The following KSR2 variants were observed in gnomAD, a reference collection of about 807,000 sequenced individuals.
The protein encoded by KSR2 is kinase suppressor of ras 2.
In KSR2, 25 loss-of-function variants were observed where a neutral mutation model predicts 107.8. That is an observed-to-expected ratio of 0.23 (90% CI 0.17 to 0.32). The LOEUF (loss-of-function observed/expected upper bound fraction) is 0.32. Ranked by LOEUF, KSR2 falls within the 10% of genes least tolerant of loss-of-function variation. KSR2 has a pLI of 1.00. For synonymous variants in KSR2, 480 were observed against 507.0 expected, an observed-to-expected ratio of 0.95 and a Z score of 0.71; for missense variants, 887 against 1,268.9, an observed-to-expected ratio of 0.70 and a Z score of 4.57.
At chr12:117,913,476 GGTC>G (rs1895085692) in intron 1 of KSR2, among the ~76,000 whole-genome samples, 1 of 152,084 alleles carries the variant, frequency 6.6e-6, no homozygotes, top group Non-Finnish European at 1.5e-5. Flanking sequence ...TGAAAAATAG[GGTC>G]TTCTGTAGAT....
intron 19 of KSR2, among the ~76,000 whole-genome samples, chr12:117,468,213 T>C (rs1381360517): frequency 7.9e-5 from 12 of 152,184 alleles, no homozygotes; most frequent in Admixed American, 7.9e-4. Context: ...TGAGCTACAG[T>C]GAGTACCTGC....
At chr12:117,872,754 A>C (rs954667191) in intron 1 of KSR2, among the ~76,000 whole-genome samples, 51 of 152,196 alleles carry the variant, frequency 3.4e-4, no homozygotes, top group African/African-American at 1.2e-3. Flanking sequence ...GTCAAGCCGA[A>C]GGATCTGGGT....
chr12:117,730,335 T>C (rs1887611818), intron 4 of KSR2, among the ~76,000 whole-genome samples: 2 of 152,162 alleles, frequency 1.3e-5, no homozygotes, highest in Non-Finnish European at 2.9e-5. Context: ...ACTGATACTA[T>C]ATATAAGGCA....
intron 5 of KSR2, among the ~76,000 whole-genome samples, chr12:117,608,440 G>C (rs1881410810): frequency 6.6e-6 from 1 of 152,270 alleles, no homozygotes; most frequent in African/African-American, 2.4e-5. Context: ...TTAAAACAAG[G>C]AGATATCAGC....
At chr12:117,943,560 G>A (rs985740843) in intron 1 of KSR2, among the ~76,000 whole-genome samples, 2 of 135,384 alleles carry the variant, frequency 1.5e-5, no homozygotes, top group Admixed American at 1.5e-4. Context: ...AGAGCCACAA[G>A]TTGGAAACAA....
intron 1 of KSR2, among the ~76,000 whole-genome samples, chr12:117,927,758 CAA>C (rs1307648158): frequency 6.6e-6 from 1 of 152,110 alleles, no homozygotes; most frequent in African/African-American, 2.4e-5. Flanking sequence ...TATGTGAAAG[CAA>C]AGTCATCAAT....
At chr12:117,768,681 G>A (rs186779208) in intron 3 of KSR2, among the ~76,000 whole-genome samples, 99 of 152,292 alleles carry the variant, frequency 6.5e-4, no homozygotes, top group African/African-American at 2.3e-3. Context: ...GATAGTTATG[G>A]CAGTGGAGAT....
At position 117,561,889 on chromosome 12, in the gene KSR2, G is replaced by A. The variant is rs988566359; in HGVS notation, c.1326-3316C>T. Among the ~76,000 whole-genome samples, 7 of 152,194 alleles carry A rather than the reference G, an allele frequency of 4.6e-5. No individual in the cohort carries two copies. The South Asian group carries it at 1.0e-3, about 23-fold the overall frequency. On this transcript the variant is annotated intron_variant, in intron 7 of 19. Coordinates refer to ENST00000339824, the MANE Select transcript of KSR2 (RefSeq NM_173598.6). ...CAGAGCTCTGCTAAATGTGAAACGG[G>A]CCTTTCATTCATTCAACACTGAGTT...
At chr12:117,719,894 T>A (rs1253706946) in intron 4 of KSR2, among the ~76,000 whole-genome samples, 1 of 152,190 alleles carries the variant, frequency 6.6e-6, no homozygotes, top group Non-Finnish European at 1.5e-5. Context: ...GAGGTTAGTG[T>A]GTTGGGGGCG....
chr12:117,819,383 G>T (rs554271952), intron 3 of KSR2, among the ~76,000 whole-genome samples: 6 of 152,218 alleles, frequency 3.9e-5, no homozygotes, highest in African/African-American at 1.4e-4. Context: ...GGCGTCGTAG[G>T]TGCCTCAGGG....
chr12:117,848,847 G>GTGA (rs746597045), intron 3 of KSR2, among the ~76,000 whole-genome samples: 1 of 151,122 alleles, frequency 6.6e-6, no homozygotes, highest in South Asian at 2.1e-4. Flanking sequence ...GGTGGTGATG[G>GTGA]TGATGATGGT....
In KSR2 at chr12:117,628,306, T is replaced by C. The variant is rs181675672; in HGVS notation, c.1171+39168A>G. On this transcript the variant is annotated intron_variant, in intron 5 of 19. Transcript: ENST00000339824. ...TGATTTTTAGAATTTTCAGCTTTTC[T>C]GCTCTGGTTTCTCCCCATCTTTGTG... 3.4e-3 allele frequency among the ~76,000 whole-genome samples: 515 copies of C among 152,360 alleles called. 1 individual carries two copies. The highest frequency in any genetic ancestry group is 0.011 in the African/African-American group (450 of 41,598).
At chr12:117,488,377 T>TA (rs750465871) in intron 14 of KSR2, among the ~76,000 whole-genome samples, 58 of 152,322 alleles carry the variant, frequency 3.8e-4, no homozygotes, top group Non-Finnish European at 7.8e-4. Context: ...AACCTATCTG[T>TA]TGAAATCCCA....
intron 3 of KSR2, among the ~76,000 whole-genome samples, chr12:117,822,682 T>A (rs1566032633): frequency 6.6e-6 from 1 of 152,176 alleles, no homozygotes; most frequent in Non-Finnish European, 1.5e-5. Context: ...ATACATGAGA[T>A]ATTCAACACT....
chr12:117,718,317 T>C (rs528287867), intron 4 of KSR2, among the ~76,000 whole-genome samples: 1 of 152,194 alleles, frequency 6.6e-6, no homozygotes, highest in African/African-American at 2.4e-5. Context: ...TGGAACCACT[T>C]TACTGAAACC....
chr12:117,653,932 A>T (rs1331596939), intron 5 of KSR2, among the ~76,000 whole-genome samples: 1 of 152,188 alleles, frequency 6.6e-6, no homozygotes, highest in Non-Finnish European at 1.5e-5. Context: ...AGCAGATCCA[A>T]TGGTGTTTAA....
At chr12:117,736,961 A>G (rs1433490989) in intron 4 of KSR2, among the ~76,000 whole-genome samples, 2 of 152,242 alleles carry the variant, frequency 1.3e-5, no homozygotes, top group Non-Finnish European at 2.9e-5. Flanking sequence ...AAAGGGGAGA[A>G]TGGGAATTAA....
chr12:117,645,996 T>C (rs1883617408), intron 5 of KSR2, among the ~76,000 whole-genome samples: 1 of 151,872 alleles, frequency 6.6e-6, no homozygotes, highest in Non-Finnish European at 1.5e-5. Context: ...AAGTCCCTGA[T>C]ATAAAATGGC....
chr12:117,637,692 T>TG (rs1237527228), intron 5 of KSR2, among the ~76,000 whole-genome samples: 4 of 139,320 alleles, frequency 2.9e-5, no homozygotes, highest in African/African-American at 1.1e-4. Flanking sequence ...TTTTTTTTTT[T>TG]TTTTTTTGAG....
Sources: gnomAD v4.1 joint callset for allele counts (sites outside exome capture counted in the v4.1 genomes callset) on GRCh38, gnomAD v4.1.1 for gene constraint, MANE v1.5 for transcripts, NCBI Gene and HGNC (gene_info 2026-07-23, HGNC 2026-07-21) for gene names.